Variants in TECPR2 observed in about 807,000 individuals in gnomAD.
TECPR2 encodes tectonin beta-propeller repeat-containing protein 2.
A neutral mutation model predicts 138.1 loss-of-function variants in TECPR2; 65 were observed. The ratio of observed to expected loss-of-function variants is 0.47; its 90% CI spans 0.39 to 0.58. TECPR2 has a LOEUF of 0.58. TECPR2 is among the 20% of genes least tolerant of loss of function. The pLI is 0.00. For missense variants in TECPR2, 1,553 were observed against 1,824.5 expected, an observed-to-expected ratio of 0.85 and a Z score of 2.71; for synonymous variants, 746 against 749.8, an observed-to-expected ratio of 0.99 and a Z score of 0.08.
chr14:102,473,690 T>C (rs1890695835), intron 17 of TECPR2, among the ~76,000 whole-genome samples: 1 of 152,230 alleles, frequency 6.6e-6, no homozygotes, highest in Admixed American at 6.5e-5. Context: ...TCAAAACAAA[T>C]GACTCAGTTT....
intron 2 of TECPR2, among the ~76,000 whole-genome samples, chr14:102,386,196 C>T (rs1426165174): frequency 2.0e-5 from 3 of 151,646 alleles, no homozygotes; most frequent in Admixed American, 6.6e-5. Context: ...TGTCCAGGCA[C>T]GGTGGCTCAC....
intron 2 of TECPR2, among the ~76,000 whole-genome samples, chr14:102,380,949 A>G (rs1398463314): frequency 6.8e-5 from 10 of 147,770 alleles, no homozygotes; most frequent in Non-Finnish European, 1.3e-4. Flanking sequence ...AAGTGCTGGG[A>G]TTACAGGCGT....
At chr14:102,400,325 G>A (rs149366713) in intron 2 of TECPR2, among the ~76,000 whole-genome samples, 1,587 of 152,226 alleles carry the variant, frequency 0.01, 30 homozygotes, top group African/African-American at 0.036. Flanking sequence ...GATTATAGGC[G>A]TGAGCCACCG....
At chr14:102,482,099 G>A (rs1442581746) in intron 17 of TECPR2, among the ~76,000 whole-genome samples, 1 of 151,958 alleles carries the variant, frequency 6.6e-6, no homozygotes, top group Non-Finnish European at 1.5e-5. Context: ...GCCCAGGCTG[G>A]CGTGCAATGG....
chr14:102,440,412 T>G (rs759222771), intron 10 of TECPR2, 24 bp from the exon 11 acceptor site: 59 of 1,611,836 alleles, frequency 3.7e-5, no homozygotes, highest in Admixed American at 3.0e-4. Context: ...TATTGGACAG[T>G]GAATAGAATT....
At chr14:102,428,215 G>GTTTTGTTTT in intron 6 of TECPR2, 35 bp from the exon 7 acceptor site, 1 of 1,309,498 alleles carries the variant, frequency 7.6e-7, no homozygotes, top group African/African-American at 2.0e-5. Context: ...TTAGTTTTGT[G>GTTTTGTTTT]TTTTTTGTTT....
At chr14:102,486,629 C>T (rs189053272) in intron 17 of TECPR2, among the ~76,000 whole-genome samples, 9 of 152,286 alleles carry the variant, frequency 5.9e-5, no homozygotes, top group East Asian at 5.8e-4. Context: ...TGCTGGTCTT[C>T]GGGCCAGTGA....
At chr14:102,392,672 G>C (rs1353484461) in intron 2 of TECPR2, among the ~76,000 whole-genome samples, 1 of 152,148 alleles carries the variant, frequency 6.6e-6, no homozygotes, top group Non-Finnish European at 1.5e-5. Flanking sequence ...TCATGGGCCT[G>C]CTTCCCTATC....
intron 2 of TECPR2, among the ~76,000 whole-genome samples, chr14:102,404,908 G>T (rs1466448096): frequency 6.6e-6 from 1 of 151,916 alleles, no homozygotes; most frequent in African/African-American, 2.4e-5. Flanking sequence ...CGTGAAGATT[G>T]TTCCACAGGG....
Position 102,434,477 on chromosome 14 carries a change from G to A in TECPR2, c.1660G>A (p.Gly554Arg). The stretch of plus-strand genomic sequence containing the variant: ...AACGTTTAATGTCCTGGAGGTGTCA[G>A]GATCAATGCCTGATTCTCTGGCTGA... ...PETFNVLEVS[G>R]SMPDSLAEED... The change falls in exon 9 of 20, where the codon GGA becomes AGA. Residue 554 changes from glycine to arginine, a missense_variant. By Grantham distance (125) the Gly-to-Arg change is moderately radical (BLOSUM62 -2). Transcript: ENST00000359520. The A allele has an allele frequency of 6.4e-7, 1 of 1,557,576 alleles. No homozygotes were observed. The highest frequency in any genetic ancestry group is 8.7e-7 in the Non-Finnish European group (1 of 1,153,122).
chr14:102,428,800 T>G (rs1889394338), intron 7 of TECPR2, among the ~76,000 whole-genome samples: 1 of 151,726 alleles, frequency 6.6e-6, no homozygotes, highest in Admixed American at 6.6e-5. Flanking sequence ...TTTGCTAAAC[T>G]ATTGCAACTT....
In TECPR2 at chr14:102,480,169, T is replaced by C. The variant is rs535527325; in HGVS notation, c.3789+14880T>C. On this transcript the variant is annotated intron_variant, in intron 17 of 19. Transcript: ENST00000359520. ...CAGGCCTCGGCCCTCCCTGGAGATA[T>C]GAATTCAGCAGGTCTGGGGTGAGGC... Among the ~76,000 whole-genome samples, 7 of 151,974 alleles carry C rather than the reference T, an allele frequency of 4.6e-5. No individual in the cohort carries two copies. In the South Asian group the frequency reaches 1.5e-3, roughly 32 times the overall value.
At chr14:102,454,120 C>T (rs1448154396) in intron 16 of TECPR2, among the ~76,000 whole-genome samples, 1 of 151,424 alleles carries the variant, frequency 6.6e-6, no homozygotes, top group Non-Finnish European at 1.5e-5. Flanking sequence ...TGCCATTGCA[C>T]TCCAGCCTGG....
rs1219502134 is a variant in TECPR2, at chr14:102,499,096, G to A, written c.*839G>A. On this transcript the variant is annotated 3_prime_UTR_variant, in exon 20 of 20. Transcript: ENST00000359520. ...GCGCAGGCTGCCCGCCTCCTGGAGA[G>A]CACACTTCAGCTGAAACAGTAAAGC... 1.4e-6 allele frequency: 1 copy of A among 703,002 alleles called. No homozygotes were observed. The highest frequency in any genetic ancestry group is 2.6e-6 in the Non-Finnish European group (1 of 384,986). 43.5% of individuals were successfully genotyped at this position (703,002 alleles called of 1,614,324 possible).
chr14:102,459,087 G>A lies in TECPR2; in HGVS notation c.3641-6054G>A, dbSNP rs149480620. ...GAGACCAATTGCTTGGTGACAGTAC[G>A]TACCCAACAGGATTTTTGTTTTAAT... On this transcript the variant is annotated intron_variant, in intron 16 of 19. Coordinates refer to ENST00000359520, the MANE Select transcript of TECPR2 (RefSeq NM_014844.5). Among the ~76,000 whole-genome samples the A allele has an allele frequency of 8.4e-4, 127 of 151,678 alleles. 1 individual carries two copies. Among genetic ancestry groups the A allele is most frequent in the East Asian group, 1.6e-3 (8 of 5,150 alleles).
intron 12 of TECPR2, among the ~76,000 whole-genome samples, chr14:102,444,201 T>C (rs77362648): frequency 0.027 from 4,125 of 151,852 alleles, 76 homozygotes; most frequent in Middle Eastern, 0.088. Context: ...GTAGCTTTTT[T>C]TTTTTTTTTT....
rs1378741047 is a variant in TECPR2, at chr14:102,500,510, A to G, written c.*2253A>G. The G allele has an allele frequency of 6.6e-6, 1 of 152,306 alleles. No homozygotes were observed. The highest frequency in any genetic ancestry group is 1.5e-5 in the Non-Finnish European group (1 of 68,104). 9.4% of individuals were successfully genotyped at this position (152,306 alleles called of 1,614,324 possible). A position where few individuals can be genotyped will look rare whatever the true frequency, so the allele number is the denominator to read the frequency against. ...GTATCTTCAGCCAGCAAACGAAACC[A>G]TATCGCAAACCAGAGCTGCTGGAAA... On this transcript the variant is annotated 3_prime_UTR_variant, in exon 20 of 20. Coordinates refer to ENST00000359520, the MANE Select transcript of TECPR2 (RefSeq NM_014844.5).
At chr14:102,383,795 G>A (rs1437245343) in intron 2 of TECPR2, among the ~76,000 whole-genome samples, 1 of 151,930 alleles carries the variant, frequency 6.6e-6, no homozygotes, top group Non-Finnish European at 1.5e-5. Flanking sequence ...GAAGTTTATT[G>A]CTCCCCAGAA....
Position 102,499,669 on chromosome 14 carries a change from G to A in TECPR2, c.*1412G>A. 5.1e-6 allele frequency: 1 copy of A among 194,994 alleles called. No individual in the cohort carries two copies. The highest frequency in any genetic ancestry group is 1.1e-5 in the Non-Finnish European group (1 of 93,824). The allele number at this position is 194,994 out of a possible 1,614,324, so 12.1% of individuals were successfully genotyped here. ...ACCCCGCCCACTGGCATCTGCGTGT[G>A]AGGGCTAGGCCGCCCTGCCACACAT... is the stretch of plus-strand genomic sequence containing the variant. On this transcript the variant is annotated 3_prime_UTR_variant, in exon 20 of 20. Transcript: ENST00000359520.
Sources: gnomAD v4.1 joint callset for allele counts (sites outside exome capture counted in the v4.1 genomes callset) on GRCh38, gnomAD v4.1.1 for gene constraint, MANE v1.5 for transcripts, NCBI Gene and HGNC (gene_info 2026-07-23, HGNC 2026-07-21) for gene names.